The following CCNC variants were observed in gnomAD, a reference collection of about 807,000 sequenced individuals.
CCNC encodes cyclin-C.
In CCNC, 19 loss-of-function variants were observed where a neutral mutation model predicts 50.0. The ratio of observed to expected loss-of-function variants is 0.38; its 90% CI spans 0.27 to 0.56. The LOEUF (loss-of-function observed/expected upper bound fraction) is 0.56. CCNC is among the 20% of genes least tolerant of loss of function. The probability of loss-of-function intolerance (pLI) is 0.72; values close to 1 mark genes in which losing one functional copy is unlikely to be tolerated. For synonymous variants in CCNC, 93 were observed against 103.7 expected, an observed-to-expected ratio of 0.90 and a Z score of 0.63; for missense variants, 200 against 327.1, an observed-to-expected ratio of 0.61 and a Z score of 3.00.
At chr6:99,559,730 T>C (rs1298667625) in intron 4 of CCNC, among the ~76,000 whole-genome samples, 1 of 151,252 alleles carries the variant, frequency 6.6e-6, no homozygotes, top group Non-Finnish European at 1.5e-5. Flanking sequence ...CTTTTTTTTT[T>C]TTTTTTTGAG....
chr6:99,560,064 C>G (rs942813962), intron 4 of CCNC, among the ~76,000 whole-genome samples: 2 of 152,056 alleles, frequency 1.3e-5, no homozygotes, highest in Non-Finnish European at 2.9e-5. Flanking sequence ...AACTTTCATT[C>G]AGTAAATCAC....
intron 7 of CCNC, chr6:99,550,544 A>T (rs1802250071): frequency 2.3e-6 from 1 of 439,642 alleles, no homozygotes; most frequent in Non-Finnish European, 4.0e-6. Flanking sequence ...GCAGTCAGTC[A>T]GCATCCATTC....
Position 99,549,593 on chromosome 6 carries a change from ATAT to A in CCNC, c.531-21_531-19del. 3 of 1,514,894 alleles carry A rather than the reference ATAT, an allele frequency of 2.0e-6. No homozygotes were observed. The highest frequency in any genetic ancestry group is 2.7e-6 in the Non-Finnish European group (3 of 1,092,668). 93.8% of individuals were successfully genotyped at this position (1,514,894 alleles called of 1,614,324 possible). On this transcript the variant is annotated intron_variant, in intron 8 of 11. Coordinates refer to ENST00000520429, the MANE Select transcript of CCNC (RefSeq NM_005190.4). ...CTATCCTCCTATAGAAATGTAAATC[ATAT>A]TATTACTGAAAGCAGAACTACCTCA...
At chr6:99,550,076 A>G (rs889530504) in intron 8 of CCNC, 142 bp downstream of exon 8, 28 of 569,992 alleles carry the variant, frequency 4.9e-5, no homozygotes, top group Non-Finnish European at 7.4e-5. Context: ...AGTTATTAAA[A>G]TTCAACAAGT....
At chr6:99,558,086 C>A (rs1163490615) in intron 5 of CCNC, 2 of 200,198 alleles carry the variant, frequency 1.0e-5, no homozygotes, top group Non-Finnish European at 2.0e-5. Context: ...CTTATATTAA[C>A]TCATTTGGTC....
At position 99,546,474 on chromosome 6, in the gene CCNC, G is replaced by C. The variant is rs1264065358; in HGVS notation, c.599C>G (p.Ala200Gly). The change falls in exon 10 of 12, where the codon GCT becomes GGT. Residue 200 changes from alanine (A) to glycine (G), a missense_variant and splice_region_variant. Ala to Gly is a moderately conservative substitution (Grantham distance 60). Coordinates refer to ENST00000520429, the MANE Select transcript of CCNC (RefSeq NM_005190.4). ...LLYPPFMIAL[A>G]CLHVACVVQQ... ...TACAACACAGGCTACATGTAGGCAA[G>C]CTGAAATGAAAATGAGAGACAACTG... is the stretch of plus-strand genomic sequence containing the variant. 5 of 1,606,186 alleles carry C rather than the reference G, an allele frequency of 3.1e-6. No individual in the cohort carries two copies. Among genetic ancestry groups the C allele is most frequent in the African/African-American group, 1.3e-5 (1 of 74,872 alleles).
intron 1 of CCNC, among the ~76,000 whole-genome samples, chr6:99,565,742 A>C (rs1170579882): frequency 6.6e-6 from 1 of 152,012 alleles, no homozygotes; most frequent in Non-Finnish European, 1.5e-5. Flanking sequence ...TAGTTTTTTA[A>C]TACCTTTACT....
intron 10 of CCNC, among the ~76,000 whole-genome samples, chr6:99,546,001 C>A (rs1215196205): frequency 6.6e-6 from 1 of 152,066 alleles, no homozygotes; most frequent in Non-Finnish European, 1.5e-5. Context: ...CGGAGTCTCG[C>A]TCTGTTGCCC....
upstream of CCNC, chr6:99,568,660 C>CGGCGAA: frequency 6.6e-7 from 1 of 1,521,192 alleles, no homozygotes; most frequent in Non-Finnish European, 8.8e-7. Context: ...GCGGCGGCGA[C>CGGCGAA]GGCGAAAGGA....
chr6:99,545,084 A>G (rs1410497693), intron 11 of CCNC, 28 bp downstream of exon 11: 1 of 1,025,646 alleles, frequency 9.7e-7, no homozygotes, highest in African/African-American at 1.6e-5. Context: ...TGATTAAATG[A>G]CATCAATAAT....
Position 99,559,525 on chromosome 6 carries a change from T to A in CCNC, c.295-977A>T, listed in dbSNP as rs143869231. Among the ~76,000 whole-genome samples, 284 of 152,218 alleles carry A rather than the reference T, an allele frequency of 1.9e-3. 3 individuals are homozygous for A. Among genetic ancestry groups the A allele is most frequent in the African/African-American group, 6.5e-3 (271 of 41,536 alleles). ...ATGTATGTGTACTAATATATTTGTT[T>A]TACATTTAAACCTCCAACTATAATA... On this transcript the variant is annotated intron_variant, in intron 4 of 11. Coordinates refer to ENST00000520429, the MANE Select transcript of CCNC (RefSeq NM_005190.4).
Position 99,549,593 on chromosome 6 carries a change from A to G in CCNC, c.531-18T>C. ...CTATCCTCCTATAGAAATGTAAATC[A>G]TATTATTACTGAAAGCAGAACTACC... is the stretch of plus-strand genomic sequence containing the variant. On this transcript the variant is annotated intron_variant, in intron 8 of 11. Transcript: ENST00000520429. 2 of 1,514,894 alleles carry G rather than the reference A, an allele frequency of 1.3e-6. No individual in the cohort carries two copies. Among genetic ancestry groups the G allele is most frequent in the Non-Finnish European group, 1.8e-6 (2 of 1,092,668 alleles). The allele number at this position is 1,514,894 out of a possible 1,614,324, so 93.8% of individuals were successfully genotyped here.
At chr6:99,566,129 C>T (rs76689958) in intron 1 of CCNC, among the ~76,000 whole-genome samples, 2 of 151,928 alleles carry the variant, frequency 1.3e-5, no homozygotes, top group South Asian at 2.1e-4. Flanking sequence ...TTTTCTCATT[C>T]CTAATTTTGT....
intron 1 of CCNC, among the ~76,000 whole-genome samples, chr6:99,567,408 TAC>T (rs774258709): frequency 5.1e-4 from 60 of 117,282 alleles, no homozygotes; most frequent in African/African-American, 1.8e-3. Context: ...TATATATACA[TAC>T]ACACACACAC....
At chr6:99,562,359 A>G (rs1031272650) in intron 2 of CCNC, 3 of 152,458 alleles carry the variant, frequency 2.0e-5, no homozygotes, top group African/African-American at 7.2e-5. Context: ...AATAATACAT[A>G]AAAATCCATA....
At chr6:99,549,850 A>G (rs1168404903) in intron 8 of CCNC, among the ~76,000 whole-genome samples, 1 of 152,200 alleles carries the variant, frequency 6.6e-6, no homozygotes, top group African/African-American at 2.4e-5. Flanking sequence ...CTAATTTTTT[A>G]AAAATCAGAA....
intron 4 of CCNC, among the ~76,000 whole-genome samples, chr6:99,558,792 T>G (rs1802652897): frequency 6.6e-6 from 1 of 152,172 alleles, no homozygotes; most frequent in African/African-American, 2.4e-5. Flanking sequence ...AATCTAAAAA[T>G]CTGAAATGCA....
chr6:99,560,716 C>T (rs34558027), intron 4 of CCNC, among the ~76,000 whole-genome samples: 9,455 of 152,220 alleles, frequency 0.062, 382 homozygotes, highest in East Asian at 0.14. Flanking sequence ...CAGTCTCTGC[C>T]GCAAGTTCCT....
intron 5 of CCNC, among the ~76,000 whole-genome samples, chr6:99,553,612 T>C (rs1168620943): frequency 6.6e-6 from 1 of 152,178 alleles, no homozygotes; most frequent in Non-Finnish European, 1.5e-5. Context: ...CTTCAGTAAA[T>C]CTTCCATCAC....
Sources: allele counts gnomAD v4.1 joint callset (sites outside exome capture counted in the v4.1 genomes callset), GRCh38; gene constraint gnomAD v4.1.1; transcripts MANE v1.5; gene names NCBI Gene and HGNC (gene_info 2026-07-23, HGNC 2026-07-21).